Variants in SCARB1 observed in about 807,000 individuals in gnomAD.
SCARB1 encodes the protein scavenger receptor class B member 1.
In SCARB1, 30 loss-of-function variants were observed where a neutral mutation model predicts 57.2. The ratio of observed to expected loss-of-function variants is 0.52; its 90% CI spans 0.39 to 0.71. The LOEUF is 0.71. Among genes scored for constraint, SCARB1 ranks in the 30% least tolerant of loss-of-function variants. The probability of loss-of-function intolerance (pLI) is 0.00; values close to 1 mark genes in which losing one functional copy is unlikely to be tolerated. For synonymous variants in SCARB1, 249 were observed against 268.3 expected (o/e 0.93, Z 0.70); for missense variants, 543 against 671.2 (o/e 0.81, Z 2.11).
chr12:124,785,928 T>A (rs1237222924), intron 11 of SCARB1: 18 of 774,042 alleles, frequency 2.3e-5, no homozygotes, highest in Non-Finnish European at 3.6e-5. Context: ...GCTGATTTAC[T>A]TGGTTTTCAT....
intron 1 of SCARB1, among the ~76,000 whole-genome samples, chr12:124,841,176 G>C (rs977411224): frequency 6.6e-5 from 10 of 152,060 alleles, no homozygotes; most frequent in Admixed American, 2.6e-4. Flanking sequence ...TTGAGACCAT[G>C]CTGGCTAACA....
Position 124,796,349 on chromosome 12 carries a change from C to T in SCARB1, c.1129-1081G>A, listed in dbSNP as rs11057817. Among the ~76,000 whole-genome samples the T allele has an allele frequency of 0.031, 4,652 of 152,260 alleles. 548 individuals carry two copies. In the East Asian group the frequency reaches 0.39, roughly 13 times the overall value. ...AAGTGATCTTCCTGCCTCAGCCTCC[C>T]AAAGCAGTGGAATTACAGCCATGAG... is the stretch of plus-strand genomic sequence containing the variant. On this transcript the variant is annotated intron_variant, in intron 8 of 12. Transcript: ENST00000261693. The surrounding 1 kb of genome is among the most constrained non-coding windows in gnomAD (Gnocchi z 4.0).
At chr12:124,820,055 T>G (rs1950887869) in intron 1 of SCARB1, among the ~76,000 whole-genome samples, 1 of 152,216 alleles carries the variant, frequency 6.6e-6, no homozygotes, top group Non-Finnish European at 1.5e-5. Context: ...GAGACTGGCC[T>G]TCAAGTGCCA....
chr12:124,821,916 T>C (rs1205601039), intron 1 of SCARB1, among the ~76,000 whole-genome samples: 1 of 152,150 alleles, frequency 6.6e-6, no homozygotes, highest in Admixed American at 6.5e-5. Flanking sequence ...CTGTGGCCTT[T>C]TGCCTAACAT....
intron 9 of SCARB1, among the ~76,000 whole-genome samples, chr12:124,790,365 C>T (rs1485760691): frequency 6.6e-6 from 1 of 151,064 alleles, no homozygotes; most frequent in Non-Finnish European, 1.5e-5. Context: ...GATAGCAGAG[C>T]GAGACTGTGT....
At chr12:124,837,007 C>A (rs1951673022) in intron 1 of SCARB1, among the ~76,000 whole-genome samples, 1 of 152,144 alleles carries the variant, frequency 6.6e-6, no homozygotes, top group Admixed American at 6.6e-5. Flanking sequence ...GAGCTCAGAC[C>A]AGCGAAGAGA....
chr12:124,790,736 C>T (rs533082868), intron 9 of SCARB1, among the ~76,000 whole-genome samples: 2 of 152,352 alleles, frequency 1.3e-5, no homozygotes, highest in African/African-American at 4.8e-5. Context: ...GCAGAAAAGG[C>T]AGTGTGGCGA....
chr12:124,832,570 C>G (rs115204431), intron 1 of SCARB1, among the ~76,000 whole-genome samples: 69 of 151,922 alleles, frequency 4.5e-4, no homozygotes, highest in African/African-American at 1.6e-3. Context: ...AACAAGCAGG[C>G]TCTGTCGCGG....
chr12:124,803,923 A>C (rs1422855340), intron 7 of SCARB1, among the ~76,000 whole-genome samples: 1 of 152,160 alleles, frequency 6.6e-6, no homozygotes, highest in East Asian at 1.9e-4. Context: ...TATTTAAATA[A>C]AGATTTTAAA....
At chr12:124,802,871 T>C (rs575489216) in intron 7 of SCARB1, among the ~76,000 whole-genome samples, 1 of 152,174 alleles carries the variant, frequency 6.6e-6, no homozygotes, top group South Asian at 2.1e-4. Context: ...AAAGGCATGG[T>C]ACCTTTACTC....
In SCARB1 at chr12:124,789,473, A is replaced by C. The variant is rs140966528; in HGVS notation, c.1203-2016T>G. The stretch of plus-strand genomic sequence containing the variant: ...CCACGACGAAGGGGACCGTGCAGAC[A>C]TGACTGCATCAAGGCTCTCAGATGG... On this transcript the variant is annotated intron_variant, in intron 9 of 12. Coordinates refer to ENST00000261693, the MANE Select transcript of SCARB1 (RefSeq NM_005505.5). This position sits in a 1 kb window ranked among gnomAD's most constrained non-coding sequence, Gnocchi z 4.4. 1.8e-3 allele frequency among the ~76,000 whole-genome samples: 274 copies of C among 152,278 alleles called. No homozygotes were observed. Among genetic ancestry groups the C allele is most frequent in the African/African-American group, 6.4e-3 (264 of 41,556 alleles).
chr12:124,848,370 C>T (rs935136933), intron 1 of SCARB1, among the ~76,000 whole-genome samples: 3 of 152,236 alleles, frequency 2.0e-5, no homozygotes, highest in Non-Finnish European at 4.4e-5. Flanking sequence ...GCGTGAGCCA[C>T]CACGCCCGGC....
chr12:124,805,723 TA>T (rs1950298385), intron 7 of SCARB1, among the ~76,000 whole-genome samples: 1 of 128,090 alleles, frequency 7.8e-6, no homozygotes, highest in African/African-American at 3.0e-5. Context: ...CATGCCTAGC[TA>T]ATTTTTTTTT....
chr12:124,839,247 T>C (rs1951813639), intron 1 of SCARB1: 1 of 455,770 alleles, frequency 2.2e-6, no homozygotes, highest in Non-Finnish European at 4.4e-6. Flanking sequence ...CACCCACCAT[T>C]CTCTTTTCTG....
intron 12 of SCARB1, among the ~76,000 whole-genome samples, chr12:124,779,330 C>G (rs565676036): frequency 6.6e-6 from 1 of 152,340 alleles, no homozygotes; most frequent in Admixed American, 6.5e-5. Context: ...AAGCCAGCCA[C>G]ACAGCAATAC....
intron 1 of SCARB1, among the ~76,000 whole-genome samples, chr12:124,843,252 C>T (rs1951981330): frequency 6.7e-6 from 1 of 148,736 alleles, no homozygotes; most frequent in Non-Finnish European, 1.5e-5. Flanking sequence ...CCTTGGCCTC[C>T]AGTTTGTTTT....
At chr12:124,837,643 T>G (rs780617498) in intron 1 of SCARB1, among the ~76,000 whole-genome samples, 3 of 151,834 alleles carry the variant, frequency 2.0e-5, no homozygotes, top group Middle Eastern at 3.2e-3. Context: ...TCCCAACACT[T>G]TGGGAGACCA....
intron 1 of SCARB1, among the ~76,000 whole-genome samples, chr12:124,856,803 G>A (rs1952652468): frequency 1.3e-5 from 2 of 152,332 alleles, no homozygotes; most frequent in South Asian, 2.1e-4. Flanking sequence ...CAGGATGGGT[G>A]GGAGTCCAGC....
chr12:124,778,643 T>G, intron 12 of SCARB1, 57 bp from the exon 13 acceptor site: 2 of 1,348,100 alleles, frequency 1.5e-6, no homozygotes, highest in Non-Finnish European at 1.9e-6. Flanking sequence ...AACCCCACCC[T>G]CATCCCCGCC....
Sources: gnomAD v4.1 joint callset for allele counts (sites outside exome capture counted in the v4.1 genomes callset) on GRCh38, gnomAD v4.1.1 for gene constraint, Gnocchi (gnomAD v3.1) non-coding constraint, MANE v1.5 for transcripts, NCBI Gene and HGNC (gene_info 2026-07-23, HGNC 2026-07-21) for gene names.